The following CHID1 variants were observed in gnomAD, a reference collection of about 807,000 sequenced individuals.
CHID1 encodes the protein chitinase domain containing 1.
A neutral mutation model predicts 55.4 loss-of-function variants in CHID1; 44 were observed. That is an observed-to-expected ratio of 0.79 (90% confidence interval 0.62 to 1.02). The LOEUF is 1.02. CHID1 is among the 50% of genes least tolerant of loss of function. The probability of loss-of-function intolerance (pLI) is 0.00; values close to 1 mark genes in which losing one functional copy is unlikely to be tolerated. For missense variants in CHID1, 491 were observed against 515.3 expected (o/e 0.95, Z 0.46); for synonymous variants, 216 against 212.9 (o/e 1.01, Z -0.13).
chr11:893,673 C>T (rs953401664), intron 7 of CHID1, among the ~76,000 whole-genome samples, 154 bp from the exon 8 acceptor site: 4 of 152,304 alleles, frequency 2.6e-5, no homozygotes, highest in Middle Eastern at 3.4e-3. Context: ...ACTTCCTATC[C>T]ATCTCTGGAT....
At chr11:901,287 C>A (rs900921727) in intron 4 of CHID1, among the ~76,000 whole-genome samples, 1 of 152,170 alleles carries the variant, frequency 6.6e-6, no homozygotes, top group African/African-American at 2.4e-5. Flanking sequence ...CAGCTGCATC[C>A]TAGGGCCTGG....
At chr11:872,292 G>A (rs1849230673) in intron 10 of CHID1, among the ~76,000 whole-genome samples, 1 of 152,202 alleles carries the variant, frequency 6.6e-6, no homozygotes, top group South Asian at 2.1e-4. Flanking sequence ...CAAGTAGCTA[G>A]GATCACAGCC....
chr11:883,027 T>C, intron 10 of CHID1, 121 bp downstream of exon 10: 1 of 1,144,962 alleles, frequency 8.7e-7, no homozygotes, highest in Non-Finnish European at 1.2e-6. Context: ...CCCCTATCTC[T>C]GACTCTGTGG....
intron 10 of CHID1, among the ~76,000 whole-genome samples, chr11:878,468 AG>A (rs1484627576): frequency 6.6e-6 from 1 of 151,910 alleles, no homozygotes; most frequent in Non-Finnish European, 1.5e-5. Flanking sequence ...CGGGAGGCTG[AG>A]GCAGAATTGC....
intron 3 of CHID1, among the ~76,000 whole-genome samples, chr11:902,686 C>A (rs1851907528): frequency 6.6e-6 from 1 of 152,082 alleles, no homozygotes; most frequent in Non-Finnish European, 1.5e-5. Context: ...CTCTGCACAT[C>A]CACTTCCTGA....
intron 9 of CHID1, 143 bp from the exon 10 acceptor site, chr11:883,446 T>C (rs879399278): frequency 1.1e-6 from 1 of 872,894 alleles, no homozygotes; most frequent in Non-Finnish European, 1.7e-6. Context: ...AAGTCACCCA[T>C]CAGAAAGGGC....
chr11:896,382 G>A lies in CHID1; in HGVS notation c.609-2863C>T, dbSNP rs1347687006. Among the ~76,000 whole-genome samples, 5 of 117,022 alleles carry A rather than the reference G, an allele frequency of 4.3e-5. 1 individual carries two copies. Among genetic ancestry groups the A allele is most frequent in the African/African-American group, 3.7e-5 (1 of 27,300 alleles). The allele number at this position is 117,022 out of a possible 152,430, so 76.8% of individuals were successfully genotyped here. On this transcript the variant is annotated intron_variant, in intron 7 of 12. Transcript: ENST00000323578. ...CCAGCCTCCACCCTAGACACAACAA[G>A]CCTGTCTCAGCACCCCCAGCCTCCA...
At chr11:897,847 G>A (rs898692405) in intron 7 of CHID1, among the ~76,000 whole-genome samples, 2 of 152,056 alleles carry the variant, frequency 1.3e-5, no homozygotes, top group East Asian at 3.9e-4. Flanking sequence ...GGGTGCTGGC[G>A]GAGGGTGTGG....
chr11:890,590 A>G (rs1416913896), intron 8 of CHID1, among the ~76,000 whole-genome samples: 1 of 152,230 alleles, frequency 6.6e-6, no homozygotes, highest in Non-Finnish European at 1.5e-5. Context: ...AGTAGCTAAC[A>G]ATGCCCAGAA....
At chr11:888,166 C>A (rs779390614) in intron 8 of CHID1, among the ~76,000 whole-genome samples, 1 of 152,242 alleles carries the variant, frequency 6.6e-6, no homozygotes, top group African/African-American at 2.4e-5. Flanking sequence ...CAGCTGGGCA[C>A]CAACCACGGC....
intron 8 of CHID1, among the ~76,000 whole-genome samples, chr11:888,858 G>A (rs1242056743): frequency 2.6e-5 from 4 of 151,998 alleles, no homozygotes; most frequent in South Asian, 4.2e-4. Context: ...ACTCGGCCTC[G>A]ACTGGACTCC....
intron 2 of CHID1, among the ~76,000 whole-genome samples, chr11:903,376 A>ATGTC (rs988897396): frequency 2.6e-5 from 4 of 152,226 alleles, no homozygotes; most frequent in African/African-American, 9.6e-5. Context: ...GCAGGCAGAC[A>ATGTC]GACAGTTATG....
chr11:878,115 A>G (rs1349062237), intron 10 of CHID1, among the ~76,000 whole-genome samples: 4 of 152,222 alleles, frequency 2.6e-5, no homozygotes, highest in Admixed American at 6.5e-5. Flanking sequence ...CTCAGCCTCT[A>G]TAAGAAATAA....
intron 11 of CHID1, 95 bp downstream of exon 11, chr11:870,324 G>C (rs769576633): frequency 5.2e-6 from 7 of 1,348,388 alleles, no homozygotes; most frequent in Non-Finnish European, 7.3e-6. Context: ...TCGTGACCCT[G>C]AGACCCCCTG....
intron 2 of CHID1, chr11:903,607 C>G (rs1851987107): frequency 4.7e-6 from 1 of 213,600 alleles, no homozygotes; most frequent in Non-Finnish European, 9.6e-6. Context: ...ATGGTGAAAC[C>G]CCATCTCTAC....
upstream of CHID1, chr11:914,942 T>C (rs888977480): frequency 3.7e-5 from 8 of 216,956 alleles, no homozygotes; most frequent in South Asian, 3.5e-4. Flanking sequence ...GACCTTGGCC[T>C]GGGTCACCCA....
chr11:912,760 C>T (rs939752907), upstream of CHID1, among the ~76,000 whole-genome samples: 4 of 151,038 alleles, frequency 2.6e-5, no homozygotes, highest in Non-Finnish European at 5.9e-5. Context: ...AGGAGAATGG[C>T]GTGAACCCAG....
rs2134122974 is a variant in CHID1 at position 875,193 on chromosome 11, T to C, written c.960-4694A>G. The stretch of plus-strand genomic sequence containing the variant: ...CTCCCCAAGCCCACCCTGCAGACAC[T>C]GAAACCCCAGGCCAGGTGCTCCTAT... On this transcript the variant is annotated intron_variant, in intron 10 of 12. Transcript: ENST00000323578. This position sits in a 1 kb window ranked among gnomAD's most constrained non-coding sequence, Gnocchi z 4.7. Among the ~76,000 whole-genome samples, 1 of 152,226 alleles carries C rather than the reference T, an allele frequency of 6.6e-6. No homozygotes were observed. Among genetic ancestry groups the C allele is most frequent in the African/African-American group, 2.4e-5 (1 of 41,570 alleles).
chr11:884,946 G>C (rs1850279417), intron 8 of CHID1, among the ~76,000 whole-genome samples: 1 of 152,244 alleles, frequency 6.6e-6, no homozygotes, highest in African/African-American at 2.4e-5. Context: ...GCCTGGCCCA[G>C]GGAGAGCTGG....
Sources: gnomAD v4.1 joint callset for allele counts (sites outside exome capture counted in the v4.1 genomes callset) on GRCh38, gnomAD v4.1.1 for gene constraint, Gnocchi (gnomAD v3.1) non-coding constraint, MANE v1.5 for transcripts, NCBI Gene and HGNC (gene_info 2026-07-23, HGNC 2026-07-21) for gene names.